Variants in UBE2V2 observed in about 807,000 individuals in gnomAD.
UBE2V2 encodes ubiquitin-conjugating enzyme E2 variant 2.
In UBE2V2, 9 loss-of-function variants were observed where a neutral mutation model predicts 17.2. That is an observed-to-expected ratio of 0.52 (90% CI 0.32 to 0.91). UBE2V2 has a LOEUF of 0.91. UBE2V2 is among the 40% of genes least tolerant of loss of function. The pLI is 0.04. For synonymous variants in UBE2V2, 61 were observed against 57.5 expected (o/e 1.06, Z -0.28); for missense variants, 133 against 182.6 (o/e 0.73, Z 1.56).
At chr8:48,023,086 C>T (rs948086085) in intron 1 of UBE2V2, among the ~76,000 whole-genome samples, 13 of 152,108 alleles carry the variant, frequency 8.5e-5, no homozygotes, top group Admixed American at 1.3e-4. Flanking sequence ...TGATCTTTGA[C>T]AGTTTGGTTA....
At chr8:48,003,180 A>C in the UBE2V2 span, among the ~76,000 whole-genome samples, 1 of 151,254 alleles carries the variant, frequency 6.6e-6, no homozygotes, top group East Asian at 1.9e-4. Context: ...ACTGCACTAC[A>C]GCCTGGGCGA....
rs1056054845 is a variant in UBE2V2, at chr8:48,063,362, A to C, written c.*2534A>C. ...GAGGAATTAATATAGAAAAGCTCTT[A>C]ATTATAATAACATTTGGAAGAAATT... On this transcript the variant is annotated 3_prime_UTR_variant, in exon 4 of 4. Coordinates refer to ENST00000523111, the MANE Select transcript of UBE2V2 (RefSeq NM_003350.3). 6.6e-6 allele frequency: 1 copy of C among 152,208 alleles called. No individual in the cohort carries two copies. The highest frequency in any genetic ancestry group is 1.5e-5 in the Non-Finnish European group (1 of 68,008). 9.4% of individuals were successfully genotyped at this position (152,208 alleles called of 1,614,324 possible).
At chr8:48,001,703 T>C in the UBE2V2 span, among the ~76,000 whole-genome samples, 5 of 152,176 alleles carry the variant, frequency 3.3e-5, no homozygotes, top group African/African-American at 1.2e-4. Flanking sequence ...GGAGAAAATA[T>C]TTGCAAACCA....
chr8:48,062,170 A>G lies in UBE2V2; in HGVS notation c.*1342A>G, dbSNP rs766916316. On this transcript the variant is annotated 3_prime_UTR_variant, in exon 4 of 4. Coordinates refer to ENST00000523111, the MANE Select transcript of UBE2V2 (RefSeq NM_003350.3). ...TGCTGTTTGATGAATTCACTGAAGA[A>G]TATAGAAAGGTGGTCAGGTAAAGTC... 11 of 152,222 alleles carry G rather than the reference A, an allele frequency of 7.2e-5. No homozygotes were observed. Among genetic ancestry groups the G allele is most frequent in the Admixed American group, 6.5e-4 (10 of 15,268 alleles). 9.4% of individuals were successfully genotyped at this position (152,222 alleles called of 1,614,324 possible).
chr8:48,008,645 G>GA, intron 1 of UBE2V2, 175 bp downstream of exon 1: 1 of 924,138 alleles, frequency 1.1e-6, no homozygotes, highest in Non-Finnish European at 1.4e-6. Context: ...CGAGGCCCCG[G>GA]CGGCCGTCGG....
chr8:48,001,560 C>T, the UBE2V2 span, among the ~76,000 whole-genome samples: 1 of 152,094 alleles, frequency 6.6e-6, no homozygotes, highest in Admixed American at 6.6e-5. Flanking sequence ...GATGGTGCCA[C>T]TGCACTCCAG....
chr8:48,026,694 T>C lies in UBE2V2; in HGVS notation c.17-16339T>C, dbSNP rs530740647. 2.6e-5 allele frequency among the ~76,000 whole-genome samples: 4 copies of C among 152,336 alleles called. No individual in the cohort carries two copies. The South Asian group carries it at 8.3e-4, about 32-fold the overall frequency. ...ATGTGGTCTTTTGTGACTGGCTTCT[T>C]TCACTTAGCGTAATGTTTTTAAGGG... On this transcript the variant is annotated intron_variant, in intron 1 of 3. Transcript: ENST00000523111.
At chr8:48,021,095 A>T (rs1270904582) in intron 1 of UBE2V2, among the ~76,000 whole-genome samples, 115 of 126,756 alleles carry the variant, frequency 9.1e-4, no homozygotes, top group African/African-American at 2.8e-3. Flanking sequence ...TTTTTTTTTT[A>T]AGATGGATTT....
At chr8:48,002,613 CTG>C in the UBE2V2 span, among the ~76,000 whole-genome samples, 3 of 146,202 alleles carry the variant, frequency 2.1e-5, no homozygotes, top group Non-Finnish European at 3.0e-5. Context: ...TATGGTGAAA[CTG>C]AGAGGAGAGG....
intron 1 of UBE2V2, among the ~76,000 whole-genome samples, chr8:48,010,464 C>T (rs1207136369): frequency 2.1e-5 from 3 of 145,982 alleles, no homozygotes; most frequent in South Asian, 2.2e-4. Context: ...TGCAGTGGCG[C>T]GATCTCGGCT....
chr8:48,034,889 C>A, intron 1 of UBE2V2: 2 of 258,884 alleles, frequency 7.7e-6, no homozygotes, highest in Non-Finnish European at 1.2e-5. Flanking sequence ...GTTGCATCAG[C>A]TGGTGAAGGG....
chr8:48,009,057 A>G (rs1024290122), intron 1 of UBE2V2, among the ~76,000 whole-genome samples: 6 of 152,206 alleles, frequency 3.9e-5, no homozygotes, highest in Non-Finnish European at 7.3e-5. Flanking sequence ...GACCAGAGCA[A>G]GATGAAAGCT....
chr8:48,012,208 A>G (rs1049344869), intron 1 of UBE2V2, among the ~76,000 whole-genome samples: 2 of 151,736 alleles, frequency 1.3e-5, no homozygotes, highest in East Asian at 3.9e-4. Context: ...CTTGTTTCAG[A>G]CTCTTAGATC....
At chr8:48,019,649 T>A (rs1268795405) in intron 1 of UBE2V2, among the ~76,000 whole-genome samples, 2 of 151,402 alleles carry the variant, frequency 1.3e-5, no homozygotes, top group Non-Finnish European at 2.9e-5. Flanking sequence ...ACCCCGTCTC[T>A]ACTAAAAATA....
chr8:48,055,293 G>A (rs918490014), intron 3 of UBE2V2, among the ~76,000 whole-genome samples: 2 of 150,528 alleles, frequency 1.3e-5, no homozygotes, highest in African/African-American at 2.4e-5. Context: ...TCCGCCTCCT[G>A]GGTTCAAGTG....
intron 3 of UBE2V2, among the ~76,000 whole-genome samples, chr8:48,057,759 AT>A (rs1337789408): frequency 2.0e-5 from 3 of 152,058 alleles, no homozygotes; most frequent in Admixed American, 6.6e-5. Context: ...ATACTTAGGT[AT>A]TTTATTAATT....
upstream of UBE2V2, among the ~76,000 whole-genome samples, chr8:48,006,350 T>C (rs1041354281): frequency 6.6e-6 from 1 of 152,212 alleles, no homozygotes; most frequent in African/African-American, 2.4e-5. Flanking sequence ...TTCTGAGGCC[T>C]CTGTTCTGTT....
chr8:48,008,141 C>G (rs1297060702), upstream of UBE2V2, among the ~76,000 whole-genome samples: 1 of 152,130 alleles, frequency 6.6e-6, no homozygotes, highest in Admixed American at 6.5e-5. Flanking sequence ...AGGCTGGTTT[C>G]GAACTCCTGA....
chr8:48,030,806 G>C (rs1378004420), intron 1 of UBE2V2, among the ~76,000 whole-genome samples: 2 of 152,150 alleles, frequency 1.3e-5, no homozygotes, highest in Non-Finnish European at 2.9e-5. Flanking sequence ...CGGATCACTT[G>C]AAGTCAGGAG....
Sources: gnomAD v4.1 joint callset for allele counts (sites outside exome capture counted in the v4.1 genomes callset) on GRCh38, gnomAD v4.1.1 for gene constraint, MANE v1.5 for transcripts, NCBI Gene and HGNC (gene_info 2026-07-23, HGNC 2026-07-21) for gene names.